Variants in ZMYM2 observed in about 807,000 individuals in gnomAD.
ZMYM2 encodes the protein zinc finger MYM-type containing 2.
Under a neutral mutation model 162.8 loss-of-function variants are expected in ZMYM2, and 56 were observed. The ratio of observed to expected loss-of-function variants is 0.34; its 90% CI spans 0.28 to 0.43. ZMYM2 has a LOEUF of 0.43. Ranked by LOEUF, ZMYM2 falls within the 20% of genes least tolerant of loss-of-function variation. The pLI, the probability that ZMYM2 is intolerant of heterozygous loss-of-function variation, is 1.00. For missense variants in ZMYM2, 1,275 were observed against 1,621.8 expected (o/e 0.79, Z 3.67); for synonymous variants, 510 against 541.6 (o/e 0.94, Z 0.81).
intron 6 of ZMYM2, among the ~76,000 whole-genome samples, chr13:20,013,019 G>A (rs898934871): frequency 6.6e-6 from 1 of 152,152 alleles, no homozygotes; most frequent in African/African-American, 2.4e-5. Context: ...TATATAAATT[G>A]CATTGAATCT....
chr13:19,970,660 TATTC>T (rs1369257030), intron 2 of ZMYM2, among the ~76,000 whole-genome samples: 3 of 127,858 alleles, frequency 2.3e-5, no homozygotes, highest in East Asian at 4.8e-4. Flanking sequence ...TAAAGAAAAA[TATTC>T]ATTCAGTAAA....
At chr13:20,006,781 G>C (rs1025274843) in intron 6 of ZMYM2, among the ~76,000 whole-genome samples, 195 bp downstream of exon 6, 1 of 152,092 alleles carries the variant, frequency 6.6e-6, no homozygotes, top group African/African-American at 2.4e-5. Flanking sequence ...GTAAGTCAGG[G>C]ACCATCTGTA....
intron 21 of ZMYM2, among the ~76,000 whole-genome samples, chr13:20,078,005 G>C (rs1957633127): frequency 6.6e-6 from 1 of 151,944 alleles, no homozygotes; most frequent in Non-Finnish European, 1.5e-5. Context: ...TTTTAGTAGA[G>C]ACGGGGTTTC....
At chr13:20,041,725 T>C (rs1353060763) in intron 12 of ZMYM2, among the ~76,000 whole-genome samples, 4 of 152,222 alleles carry the variant, frequency 2.6e-5, no homozygotes, top group South Asian at 4.1e-4. Context: ...AGAGCTCTTA[T>C]AAAGCAGGTC....
chr13:19,898,237 C>CTTT, the ZMYM2 span, among the ~76,000 whole-genome samples: 694 of 145,100 alleles, frequency 4.8e-3, 11 homozygotes, highest in African/African-American at 0.016. Context: ...AGAACACACT[C>CTTT]TTTTTTTTTT....
At chr13:19,870,439 T>A in the ZMYM2 span, among the ~76,000 whole-genome samples, 1 of 151,794 alleles carries the variant, frequency 6.6e-6, no homozygotes, top group Non-Finnish European at 1.5e-5. Context: ...CGCCTGACCA[T>A]ACACTGTCAT....
chr13:20,013,684 A>G (rs1445088996), intron 6 of ZMYM2, among the ~76,000 whole-genome samples: 1 of 152,156 alleles, frequency 6.6e-6, no homozygotes, highest in Non-Finnish European at 1.5e-5. Context: ...ATCCTTTGAG[A>G]TGATCATGTG....
chr13:19,969,402 C>T (rs995141729), intron 2 of ZMYM2, among the ~76,000 whole-genome samples: 2 of 152,066 alleles, frequency 1.3e-5, no homozygotes, highest in African/African-American at 4.8e-5. Context: ...AGCTGTGTGC[C>T]GTAGGAGATT....
chr13:20,017,004 G>T (rs964226634), intron 6 of ZMYM2, among the ~76,000 whole-genome samples: 2 of 152,098 alleles, frequency 1.3e-5, no homozygotes, highest in African/African-American at 4.8e-5. Flanking sequence ...TTAGGCTTTT[G>T]CTTACTTTAC....
chr13:19,993,240 T>A lies in ZMYM2; in HGVS notation c.168T>A (p.Asp56Glu). ...SNKFQNSSVE[D>E]DDDVVFIEPV... ...AGTTTCAGAACTCGTCAGTGGAAGA[T>A]GATGATGATGTTGTTTTTATCGAAC... Residue 56 changes from aspartate to glutamate, a missense_variant, in exon 3 of 25, where the codon GAT becomes GAA. By Grantham distance (45) the Asp-to-Glu change is conservative. Around this residue, in one of 10 missense-constraint regions of ZMYM2, gnomAD observed 295 missense variants for 286.7 expected, o/e 1.03. Transcript: ENST00000610343. The A allele has an allele frequency of 2.5e-6, 4 of 1,613,994 alleles. No individual in the cohort carries two copies. In the South Asian group the frequency reaches 4.4e-5, roughly 18 times the overall value.
the ZMYM2 span, among the ~76,000 whole-genome samples, chr13:19,945,336 C>G: frequency 1.3e-5 from 2 of 152,156 alleles, no homozygotes; most frequent in African/African-American, 4.8e-5. Context: ...ACTACAACCT[C>G]TGCCTCCCGG....
chr13:19,964,137 G>A (rs1165692082), intron 2 of ZMYM2, among the ~76,000 whole-genome samples: 11 of 151,720 alleles, frequency 7.3e-5, no homozygotes, highest in African/African-American at 2.0e-4. Flanking sequence ...TTAGCTTTGG[G>A]AGACTGAGGC....
chr13:20,024,123 C>T (rs1214664030), intron 7 of ZMYM2, among the ~76,000 whole-genome samples: 4 of 152,040 alleles, frequency 2.6e-5, no homozygotes, highest in East Asian at 3.9e-4. Context: ...TTAGTAGAGA[C>T]GGGGTTTTGC....
chr13:20,041,716 G>T (rs775526892), intron 12 of ZMYM2, among the ~76,000 whole-genome samples: 11 of 152,148 alleles, frequency 7.2e-5, no homozygotes, highest in Non-Finnish European at 1.6e-4. Flanking sequence ...CTTCCTTCAA[G>T]AGCTCTTATA....
chr13:19,934,767 C>CT, the ZMYM2 span, among the ~76,000 whole-genome samples: 17,085 of 145,754 alleles, frequency 0.12, 1,361 homozygotes, highest in African/African-American at 0.19. Context: ...TTCTTTCTTT[C>CT]TTTCTTTTTT....
intron 8 of ZMYM2, 137 bp from the exon 9 acceptor site, chr13:20,027,066 A>G: frequency 1.6e-6 from 1 of 641,944 alleles, no homozygotes; most frequent in Non-Finnish European, 2.5e-6. Flanking sequence ...TTAAAAGTGC[A>G]CATAATCTTC....
intron 2 of ZMYM2, among the ~76,000 whole-genome samples, chr13:19,985,943 C>T (rs1949097614): frequency 6.6e-6 from 1 of 152,014 alleles, no homozygotes; most frequent in Non-Finnish European, 1.5e-5. Flanking sequence ...CCCAGCTACT[C>T]AGGAGGTTGA....
chr13:19,996,461 T>C (rs539068328), intron 3 of ZMYM2, among the ~76,000 whole-genome samples: 1 of 151,952 alleles, frequency 6.6e-6, no homozygotes, highest in East Asian at 1.9e-4. Flanking sequence ...TTGCGGTGGC[T>C]CAAGCCTGTA....
intron 6 of ZMYM2, among the ~76,000 whole-genome samples, chr13:20,018,312 A>G (rs1031378996): frequency 2.0e-5 from 3 of 152,182 alleles, no homozygotes; most frequent in African/African-American, 4.8e-5. Flanking sequence ...ATTACATACT[A>G]TATGTTCATA....
Sources: allele counts gnomAD v4.1 joint callset (sites outside exome capture counted in the v4.1 genomes callset), GRCh38; gene constraint gnomAD v4.1.1; regional missense constraint gnomAD v4.1.1; transcripts MANE v1.5; gene names NCBI Gene and HGNC (gene_info 2026-07-23, HGNC 2026-07-21).